HS3ST5: variants seen among roughly 807,000 people sequenced by gnomAD.
The protein encoded by HS3ST5 is heparan sulfate-glucosamine 3-sulfotransferase 5.
HS3ST5 carries 10 observed loss-of-function variants against 25.4 expected under a neutral mutation model. The observed-to-expected ratio is 0.39, with a 90% confidence interval of 0.24 to 0.67. The LOEUF (loss-of-function observed/expected upper bound fraction) is 0.67, where lower values mean the gene tolerates loss of function less well. Among genes scored for constraint, HS3ST5 ranks in the 30% least tolerant of loss-of-function variants. HS3ST5 has a pLI of 0.44. For missense variants in HS3ST5, 324 were observed against 420.7 expected (o/e 0.77, Z 2.01); for synonymous variants, 170 against 162.4 (o/e 1.05, Z -0.36).
chr6:114,268,521 G>A (rs1250414729), intron 1 of HS3ST5, among the ~76,000 whole-genome samples: 3 of 152,154 alleles, frequency 2.0e-5, no homozygotes, highest in East Asian at 3.9e-4. Flanking sequence ...AGAGACATGT[G>A]TAATACAGTA....
At chr6:114,226,314 A>G (rs1041603984) in intron 2 of HS3ST5, among the ~76,000 whole-genome samples, 14 of 151,978 alleles carry the variant, frequency 9.2e-5, no homozygotes, top group Non-Finnish European at 2.1e-4. Context: ...ATATTCCACA[A>G]ATGAAGAATT....
intron 1 of HS3ST5, among the ~76,000 whole-genome samples, chr6:114,311,341 A>G (rs1403117174): frequency 6.6e-6 from 1 of 152,138 alleles, no homozygotes; most frequent in Non-Finnish European, 1.5e-5. Flanking sequence ...TTGGAAGAAT[A>G]TATACCAATA....
intron 1 of HS3ST5, among the ~76,000 whole-genome samples, chr6:114,314,253 G>A (rs1037176224): frequency 2.0e-5 from 3 of 152,124 alleles, no homozygotes; most frequent in African/African-American, 7.2e-5. Context: ...GATTCAATAG[G>A]TCTGGAGTGA....
At chr6:114,261,465 A>AT in intron 1 of HS3ST5, among the ~76,000 whole-genome samples, 1 of 152,172 alleles carries the variant, frequency 6.6e-6, no homozygotes, top group African/African-American at 2.4e-5. Flanking sequence ...GATGGTTTCT[A>AT]TTTTTTTCTG....
At chr6:114,142,420 G>T in intron 3 of HS3ST5, among the ~76,000 whole-genome samples, 1 of 152,166 alleles carries the variant, frequency 6.6e-6, no homozygotes, top group Non-Finnish European at 1.5e-5. Context: ...CCATGTGGAA[G>T]CTCTGAATAC....
intron 2 of HS3ST5, among the ~76,000 whole-genome samples, chr6:114,181,217 C>T (rs1194011094): frequency 6.6e-6 from 1 of 152,194 alleles, no homozygotes; most frequent in Non-Finnish European, 1.5e-5. Context: ...AGGTGACAAA[C>T]TTGAATCCGA....
intron 3 of HS3ST5, among the ~76,000 whole-genome samples, chr6:114,131,552 G>A (rs1777333550): frequency 1.3e-5 from 2 of 152,182 alleles, no homozygotes; most frequent in South Asian, 4.1e-4. Context: ...AGGGAACATG[G>A]TGTTATATCA....
intron 1 of HS3ST5, among the ~76,000 whole-genome samples, chr6:114,253,181 T>C (rs1772742660): frequency 6.6e-6 from 1 of 152,184 alleles, no homozygotes; most frequent in Non-Finnish European, 1.5e-5. Flanking sequence ...GGCAAGACAA[T>C]GAGACCCTAT....
chr6:114,193,179 G>A (rs1290725646), intron 2 of HS3ST5, among the ~76,000 whole-genome samples: 1 of 152,152 alleles, frequency 6.6e-6, no homozygotes, highest in African/African-American at 2.4e-5. Context: ...GAACCCTGGA[G>A]ATGAAAGCTA....
chr6:114,203,277 C>G (rs906425504), intron 2 of HS3ST5, among the ~76,000 whole-genome samples: 1 of 152,182 alleles, frequency 6.6e-6, no homozygotes, highest in African/African-American at 2.4e-5. Flanking sequence ...CATCTGGCTT[C>G]TAACCTCACA....
intron 1 of HS3ST5, among the ~76,000 whole-genome samples, chr6:114,285,459 G>A (rs1215573135): frequency 6.6e-6 from 1 of 152,008 alleles, no homozygotes; most frequent in African/African-American, 2.4e-5. Flanking sequence ...TTAAATAAAT[G>A]TGGTGTATAC....
At chr6:114,303,253 A>G (rs1380030036) in intron 1 of HS3ST5, among the ~76,000 whole-genome samples, 2 of 152,074 alleles carry the variant, frequency 1.3e-5, no homozygotes, top group African/African-American at 2.4e-5. Context: ...GATTTCAAAT[A>G]AATAAGGTGA....
chr6:114,122,119 A>G (rs1329369651), intron 3 of HS3ST5, among the ~76,000 whole-genome samples: 1 of 152,324 alleles, frequency 6.6e-6, no homozygotes, highest in East Asian at 1.9e-4. Context: ...GGGAAGGTCC[A>G]GCTGGGATTG....
At chr6:114,186,551 G>A (rs1396750369) in intron 2 of HS3ST5, among the ~76,000 whole-genome samples, 1 of 152,094 alleles carries the variant, frequency 6.6e-6, no homozygotes, top group African/African-American at 2.4e-5. Context: ...AGCTAGCAGA[G>A]GTTGGTTCAT....
chr6:114,164,645 G>A (rs1779122941), intron 3 of HS3ST5, among the ~76,000 whole-genome samples: 1 of 152,074 alleles, frequency 6.6e-6, no homozygotes, highest in Non-Finnish European at 1.5e-5. Flanking sequence ...GTTCTCATTT[G>A]GGTTAAAATA....
At chr6:114,317,188 C>A (rs986549732) in intron 1 of HS3ST5, among the ~76,000 whole-genome samples, 3 of 152,116 alleles carry the variant, frequency 2.0e-5, no homozygotes, top group African/African-American at 7.2e-5. Context: ...TTATGTCCAA[C>A]GTCCCCCTAA....
At chr6:114,232,709 C>T (rs985159953) in intron 1 of HS3ST5, among the ~76,000 whole-genome samples, 3 of 152,108 alleles carry the variant, frequency 2.0e-5, no homozygotes, top group African/African-American at 4.8e-5. Context: ...AGATTTGTTC[C>T]TTCTTTTCTT....
At chr6:114,135,569 G>C (rs897321939) in intron 3 of HS3ST5, among the ~76,000 whole-genome samples, 1 of 152,120 alleles carries the variant, frequency 6.6e-6, no homozygotes, top group Non-Finnish European at 1.5e-5. Context: ...TCTGCTCCTG[G>C]CTCATCTGCT....
intron 1 of HS3ST5, among the ~76,000 whole-genome samples, chr6:114,286,050 T>C (rs1774325718): frequency 6.6e-6 from 1 of 151,832 alleles, no homozygotes; most frequent in African/African-American, 2.4e-5. Context: ...AATGCCATAA[T>C]CTCTAGAGGT....
Sources: allele counts gnomAD v4.1 joint callset (sites outside exome capture counted in the v4.1 genomes callset), GRCh38; gene constraint gnomAD v4.1.1; transcripts MANE v1.5; gene names NCBI Gene and HGNC (gene_info 2026-07-23, HGNC 2026-07-21).